The following ANKS1B variants were observed in gnomAD, a reference collection of about 807,000 sequenced individuals.
ANKS1B encodes the protein ankyrin repeat and sterile alpha motif domain-containing protein 1B.
In ANKS1B, 36 loss-of-function variants were observed where a neutral mutation model predicts 148.3. That is an observed-to-expected ratio of 0.24 (90% CI 0.19 to 0.32). The LOEUF (loss-of-function observed/expected upper bound fraction) is 0.32. Among genes scored for constraint, ANKS1B ranks in the 10% least tolerant of loss-of-function variants. The pLI, the probability that ANKS1B is intolerant of heterozygous loss-of-function variation, is 1.00. For synonymous variants in ANKS1B, 542 were observed against 560.8 expected (o/e 0.97, Z 0.47); for missense variants, 1,157 against 1,542.6 (o/e 0.75, Z 4.19).
intron 9 of ANKS1B, among the ~76,000 whole-genome samples, chr12:99,532,143 G>T (rs1017653153): frequency 1.3e-5 from 2 of 151,984 alleles, no homozygotes; most frequent in African/African-American, 4.8e-5. Flanking sequence ...CCATTCTGTA[G>T]GTTGTCTGTT....
intron 10 of ANKS1B, among the ~76,000 whole-genome samples, chr12:99,467,144 T>G (rs2096134410): frequency 6.6e-6 from 1 of 152,058 alleles, no homozygotes; most frequent in Admixed American, 6.6e-5. Context: ...TATACACAAA[T>G]CAATAAATGT....
chr12:99,931,308 T>G (rs965971162), intron 1 of ANKS1B, among the ~76,000 whole-genome samples: 1 of 151,900 alleles, frequency 6.6e-6, no homozygotes, highest in Non-Finnish European at 1.5e-5. Context: ...AACCTGCACG[T>G]TGTGCACATG....
rs768023050 is a variant in ANKS1B, at chr12:99,399,749, T to C, written c.1638A>G (p.Glu546=). 1.2e-6 allele frequency: 2 copies of C among 1,613,486 alleles called. No individual in the cohort carries two copies. Among genetic ancestry groups the C allele is most frequent in the South Asian group, 2.2e-5 (2 of 91,064 alleles). Residue 546 remains glutamate (E), a synonymous_variant, in exon 12 of 27, where the codon GAA becomes GAG. Coordinates refer to ENST00000683438, the MANE Select transcript of ANKS1B (RefSeq NM_001352186.2). ...CTGTAGATGTGTTGATTTCAAAATATTCTTGGTTGTGATTCATTCGGTGAA... is the reference window on the plus strand; with the variant it reads ...CTGTAGATGTGTTGATTTCAAAATACTCTTGGTTGTGATTCATTCGGTGAA... ...LDFHRMNHNQ[E]YFEINTSTGC...
intron 9 of ANKS1B, among the ~76,000 whole-genome samples, chr12:99,515,924 C>T (rs1197332565): frequency 6.6e-6 from 1 of 152,124 alleles, no homozygotes; most frequent in Admixed American, 6.6e-5. Flanking sequence ...TGATGCTGAG[C>T]ACCTTTTCAT....
intron 8 of ANKS1B, among the ~76,000 whole-genome samples, chr12:99,667,762 T>G (rs999192960): frequency 1.3e-5 from 2 of 152,240 alleles, no homozygotes; most frequent in Non-Finnish European, 2.9e-5. Flanking sequence ...ACTAAAAGTT[T>G]GTATCATGAA....
At chr12:99,558,179 G>C (rs989313338) in intron 9 of ANKS1B, among the ~76,000 whole-genome samples, 1 of 152,202 alleles carries the variant, frequency 6.6e-6, no homozygotes, top group Non-Finnish European at 1.5e-5. Flanking sequence ...GATGGGGTCA[G>C]TGGGAGTGGA....
intron 10 of ANKS1B, among the ~76,000 whole-genome samples, chr12:99,481,661 T>C (rs182186615): frequency 1.3e-5 from 2 of 152,056 alleles, no homozygotes; most frequent in African/African-American, 2.4e-5. Context: ...TCACCAGCAG[T>C]GAATAGGTGT....
At chr12:98,886,601 T>C (rs1474503024) in intron 17 of ANKS1B, among the ~76,000 whole-genome samples, 1 of 152,206 alleles carries the variant, frequency 6.6e-6, no homozygotes, top group Non-Finnish European at 1.5e-5. Context: ...CTGATCTAAA[T>C]AACACATCAT....
chr12:99,250,607 C>T (rs1468999413), intron 12 of ANKS1B, among the ~76,000 whole-genome samples: 1 of 152,138 alleles, frequency 6.6e-6, no homozygotes, highest in East Asian at 1.9e-4. Flanking sequence ...CTAAGAGGAG[C>T]TGAGGTTTTC....
At chr12:99,415,840 C>T (rs1333533858) in intron 11 of ANKS1B, among the ~76,000 whole-genome samples, 1 of 152,080 alleles carries the variant, frequency 6.6e-6, no homozygotes. Context: ...CCCGCCACCA[C>T]GCCCGGCTAA....
chr12:99,752,303 T>C (rs1330279720), intron 8 of ANKS1B, among the ~76,000 whole-genome samples: 1 of 152,040 alleles, frequency 6.6e-6, no homozygotes, highest in Non-Finnish European at 1.5e-5. Flanking sequence ...CAACACCTTA[T>C]ACTATCATTT....
At chr12:99,825,448 A>C in intron 1 of ANKS1B, 59 bp from the exon 2 acceptor site, 1 of 1,380,288 alleles carries the variant, frequency 7.2e-7, no homozygotes, top group Non-Finnish European at 1.0e-6. Context: ...CTTGAAAAAC[A>C]AAAAGAAGGC....
chr12:99,663,003 A>C (rs183573483), intron 8 of ANKS1B, among the ~76,000 whole-genome samples: 9 of 152,324 alleles, frequency 5.9e-5, no homozygotes, highest in Non-Finnish European at 1.2e-4. Context: ...CAATCTCATT[A>C]CACAAGAGAT....
At chr12:98,938,220 T>C (rs2099822917) in intron 17 of ANKS1B, among the ~76,000 whole-genome samples, 1 of 152,214 alleles carries the variant, frequency 6.6e-6, no homozygotes, top group East Asian at 1.9e-4. Flanking sequence ...TACTATAGCA[T>C]GTTAAAATCT....
At chr12:98,767,614 AGCCAT>A (rs1182419021) in intron 25 of ANKS1B, among the ~76,000 whole-genome samples, 1 of 152,252 alleles carries the variant, frequency 6.6e-6, no homozygotes, top group African/African-American at 2.4e-5. Context: ...CTGGCAGCAA[AGCCAT>A]GGCTTTTAAT....
intron 20 of ANKS1B, among the ~76,000 whole-genome samples, chr12:98,805,307 C>CTTTTTT (rs35982671): frequency 6.7e-6 from 1 of 149,840 alleles, no homozygotes. Context: ...TGCTTAAGGC[C>CTTTTTT]TTTTTTTTTA....
At chr12:99,641,360 G>A (rs1207938078) in intron 9 of ANKS1B, among the ~76,000 whole-genome samples, 1 of 152,136 alleles carries the variant, frequency 6.6e-6, no homozygotes, top group African/African-American at 2.4e-5. Flanking sequence ...TAATAGTCAG[G>A]CCAATTACTT....
At chr12:98,876,996 T>G (rs77403857) in intron 17 of ANKS1B, among the ~76,000 whole-genome samples, 106 of 152,358 alleles carry the variant, frequency 7.0e-4, no homozygotes, top group African/African-American at 2.5e-3. Flanking sequence ...GCACTTGGCT[T>G]CAGGTCACTA....
chr12:98,782,046 C>T, intron 23 of ANKS1B, 80 bp downstream of exon 23: 1 of 1,202,030 alleles, frequency 8.3e-7, no homozygotes, highest in Admixed American at 2.2e-5. Flanking sequence ...TCATTCATCA[C>T]CAGTCACCAG....
Sources: gnomAD v4.1 joint callset for allele counts (sites outside exome capture counted in the v4.1 genomes callset) on GRCh38, gnomAD v4.1.1 for gene constraint, MANE v1.5 for transcripts, NCBI Gene and HGNC (gene_info 2026-07-23, HGNC 2026-07-21) for gene names.